The following PATJ variants were observed in gnomAD, a reference collection of about 807,000 sequenced individuals.
PATJ encodes inaD-like protein.
In PATJ, 190 loss-of-function variants were observed where a neutral mutation model predicts 224.9. That is an observed-to-expected ratio of 0.84 (90% CI 0.75 to 0.95). The LOEUF (loss-of-function observed/expected upper bound fraction) is 0.95, where lower values mean the gene tolerates loss of function less well. Ranked by LOEUF, PATJ falls within the 40% of genes least tolerant of loss-of-function variation. The probability of loss-of-function intolerance (pLI) is 0.00; values close to 1 mark genes in which losing one functional copy is unlikely to be tolerated. For synonymous variants in PATJ, 769 were observed against 820.3 expected (o/e 0.94, Z 1.07); for missense variants, 2,121 against 2,270.3 (o/e 0.93, Z 1.34).
intron 24 of PATJ, among the ~76,000 whole-genome samples, chr1:61,905,282 A>G (rs1671707600): frequency 6.6e-6 from 1 of 152,248 alleles, no homozygotes. Context: ...GGGATGAGCT[A>G]GCTATCTTGG....
chr1:61,800,902 A>T (rs1037484481), intron 11 of PATJ, among the ~76,000 whole-genome samples: 2 of 152,210 alleles, frequency 1.3e-5, no homozygotes, highest in Admixed American at 1.3e-4. Context: ...CCTACAAAGG[A>T]CATGAACTCA....
At chr1:61,783,424 T>TC (rs1165550365) in intron 7 of PATJ, among the ~76,000 whole-genome samples, 8 of 92,638 alleles carry the variant, frequency 8.6e-5, no homozygotes, top group African/African-American at 1.5e-4. Flanking sequence ...TTTTCTTTTC[T>TC]TTTTTTTTTT....
chr1:62,121,311 A>G lies in PATJ; in HGVS notation c.5005+16A>G, dbSNP rs776106939. On this transcript the variant is annotated intron_variant, in intron 38 of 43. Transcript: ENST00000642238. ...AAAAATTCAGGTATTACACGGACAC[A>G]CCCAGAGCAAAACTATCCTGTTACC... 21 of 1,464,690 alleles carry G rather than the reference A, an allele frequency of 1.4e-5. No homozygotes were observed. The South Asian group carries it at 2.1e-4, about 15-fold the overall frequency. The allele number at this position is 1,464,690 out of a possible 1,614,324, so 90.7% of individuals were successfully genotyped here. A position where few individuals can be genotyped will look rare whatever the true frequency, so the allele number is the denominator to read the frequency against.
intron 28 of PATJ, among the ~76,000 whole-genome samples, chr1:62,001,629 C>T (rs1046894001): frequency 6.6e-6 from 1 of 151,826 alleles, no homozygotes; most frequent in South Asian, 2.1e-4. Context: ...ATGCCTCCAG[C>T]TTTGTTCTTT....
Position 61,843,604 on chromosome 1 carries a change from C to T in PATJ, c.2112+9819C>T, listed in dbSNP as rs555988368. Among the ~76,000 whole-genome samples, 12 of 151,658 alleles carry T rather than the reference C, an allele frequency of 7.9e-5. No individual in the cohort carries two copies. The East Asian group carries it at 2.3e-3, about 30-fold the overall frequency. On this transcript the variant is annotated intron_variant, in intron 17 of 43. Transcript: ENST00000642238. ...AAAAAAACTTAGTCAGGCATGGTGG[C>T]GTGCACCTGTAGTCCCAGCTACTCG...
At position 61,763,173 on chromosome 1, in the gene PATJ, G is replaced by A. The variant is rs982892579; in HGVS notation, c.183G>A (p.Lys61=). ...TTCAGCAGTCCATCAAGCAACTGAA[G>A]GGTCAAGTAAGTTACCCATCAGAGT... is the stretch of plus-strand genomic sequence containing the variant. ...LTLQQSIKQL[K]GQLNHIPSDC... is the part of the protein sequence containing the mutation. The change falls in exon 3 of 44, where the codon AAG becomes AAA. Residue 61 remains lysine, a synonymous_variant. Transcript: ENST00000642238. The A allele has an allele frequency of 1.3e-6, 2 of 1,569,368 alleles. No homozygotes were observed. Among genetic ancestry groups the A allele is most frequent in the Non-Finnish European group, 1.7e-6 (2 of 1,159,676 alleles).
chr1:62,091,468 C>T (rs1558155332), intron 33 of PATJ, among the ~76,000 whole-genome samples: 2 of 152,124 alleles, frequency 1.3e-5, no homozygotes. Flanking sequence ...TTACCCAGTG[C>T]CTATTTAAAC....
At chr1:62,045,273 A>C (rs1166708322) in intron 30 of PATJ, among the ~76,000 whole-genome samples, 1 of 152,208 alleles carries the variant, frequency 6.6e-6, no homozygotes, top group Non-Finnish European at 1.5e-5. Flanking sequence ...TAACATCCTT[A>C]ACGAATTTAA....
chr1:61,832,474 A>G (rs1420499717), intron 16 of PATJ, among the ~76,000 whole-genome samples: 1 of 151,996 alleles, frequency 6.6e-6, no homozygotes, highest in African/African-American at 2.4e-5. Context: ...GTGTGTAGAG[A>G]TGATGCATTT....
chr1:61,914,488 GA>G (rs1465665819), intron 25 of PATJ, 98 bp from the exon 26 acceptor site: 24 of 568,612 alleles, frequency 4.2e-5, no homozygotes, highest in South Asian at 8.9e-5. Flanking sequence ...TGTAATGATT[GA>G]AAAAAAATTC....
At chr1:62,026,425 C>T (rs1647918855) in intron 29 of PATJ, among the ~76,000 whole-genome samples, 1 of 151,516 alleles carries the variant, frequency 6.6e-6, no homozygotes, top group Non-Finnish European at 1.5e-5. Flanking sequence ...ATATCCAGGC[C>T]TGGTGAGTTG....
intron 26 of PATJ, among the ~76,000 whole-genome samples, chr1:61,915,982 G>T (rs957110821): frequency 2.6e-5 from 4 of 152,032 alleles, no homozygotes; most frequent in African/African-American, 9.7e-5. Flanking sequence ...GGCATGAGCT[G>T]CTGCGCCTGG....
chr1:61,875,157 A>G, intron 20 of PATJ, 86 bp from the exon 21 acceptor site: 1 of 802,570 alleles, frequency 1.2e-6, no homozygotes, highest in Admixed American at 3.0e-5. Context: ...GTTTTCCACT[A>G]TCATTATTAC....
At chr1:61,767,821 C>T (rs1011753357) in intron 4 of PATJ, among the ~76,000 whole-genome samples, 4 of 151,538 alleles carry the variant, frequency 2.6e-5, no homozygotes, top group Non-Finnish European at 4.4e-5. Flanking sequence ...GGACTACAGG[C>T]GTGTGTCACC....
chr1:62,094,558 A>AACAC (rs58104906), intron 33 of PATJ, among the ~76,000 whole-genome samples: 5,228 of 132,366 alleles, frequency 0.039, 111 homozygotes, highest in Middle Eastern at 0.093. Flanking sequence ...ATTCTGTCTC[A>AACAC]ACACACACAC....
chr1:61,964,526 C>A (rs1389215940), intron 27 of PATJ, among the ~76,000 whole-genome samples: 2 of 152,140 alleles, frequency 1.3e-5, no homozygotes, highest in African/African-American at 2.4e-5. Context: ...CAGTGGCTCA[C>A]GCCTGTAATC....
intron 38 of PATJ, among the ~76,000 whole-genome samples, chr1:62,121,552 G>A (rs181392791): frequency 0.013 from 1,973 of 151,840 alleles, 22 homozygotes; most frequent in Non-Finnish European, 0.022. Flanking sequence ...GATCACCTGA[G>A]GTCAGGAGAT....
chr1:61,903,088 G>A (rs1268208822), intron 24 of PATJ, among the ~76,000 whole-genome samples: 1 of 152,182 alleles, frequency 6.6e-6, no homozygotes, highest in South Asian at 2.1e-4. Context: ...GAAAGCTCTG[G>A]AAGGTCTTCT....
At chr1:62,160,508 T>C (rs1400834459) in intron 43 of PATJ, among the ~76,000 whole-genome samples, 1 of 152,222 alleles carries the variant, frequency 6.6e-6, no homozygotes, top group Middle Eastern at 3.2e-3. Flanking sequence ...GAACTCTGTA[T>C]AATGGTGGTA....
Sources: gnomAD v4.1 joint callset for allele counts (sites outside exome capture counted in the v4.1 genomes callset) on GRCh38, gnomAD v4.1.1 for gene constraint, MANE v1.5 for transcripts, NCBI Gene and HGNC (gene_info 2026-07-23, HGNC 2026-07-21) for gene names.